The following SELENOO variants were observed in gnomAD, a reference collection of about 807,000 sequenced individuals.
SELENOO encodes selenoprotein O, also known as protein adenylyltransferase SelO, mitochondrial.
SELENOO carries 74 observed loss-of-function variants against 58.7 expected under a neutral mutation model. The ratio of observed to expected loss-of-function variants is 1.26; its 90% CI spans 1.04 to 1.53. The LOEUF is 1.53. Ranked by LOEUF, SELENOO falls within the 40% of genes most tolerant of loss-of-function variation. SELENOO has a pLI of 0.00. For missense variants in SELENOO, 1,149 were observed against 970.0 expected (o/e 1.18, Z -2.45); for synonymous variants, 543 against 453.2 (o/e 1.20, Z -2.52).
chr22:50,210,101 C>T, intron 3 of SELENOO, 80 bp from the exon 4 acceptor site: 1 of 1,533,772 alleles, frequency 6.5e-7, no homozygotes, highest in Non-Finnish European at 8.8e-7. Context: ...CAGCCGGTTT[C>T]AGGGAGGGGA....
At chr22:50,201,976 C>T (rs2064304792) in intron 1 of SELENOO, among the ~76,000 whole-genome samples, 1 of 152,228 alleles carries the variant, frequency 6.6e-6, no homozygotes, top group Non-Finnish European at 1.5e-5. Context: ...CTGGCCCTGA[C>T]TTCCCTGCGG....
rs995659853 is a variant in SELENOO at position 50,217,569 on chromosome 22, C to A, written c.*200C>A. 10 of 940,356 alleles carry A rather than the reference C, an allele frequency of 1.1e-5. No individual in the cohort carries two copies. Among genetic ancestry groups the A allele is most frequent in the Non-Finnish European group, 1.4e-5 (9 of 637,448 alleles). The allele number at this position is 940,356 out of a possible 1,614,324, so 58.3% of individuals were successfully genotyped here. ...GGCCGGCTCAGCAGTGCAGCCTGGT[C>A]CCTGGGGGCTGGACCCAGGCTCCTA... On this transcript the variant is annotated 3_prime_UTR_variant, in exon 9 of 9. Transcript: ENST00000380903.
intron 2 of SELENOO, among the ~76,000 whole-genome samples, chr22:50,208,230 G>T (rs1161781889): frequency 6.6e-6 from 1 of 152,144 alleles, no homozygotes; most frequent in Non-Finnish European, 1.5e-5. Context: ...AGGAGTTTGA[G>T]ACCAGCCTGA....
intron 7 of SELENOO, 36 bp from the exon 8 acceptor site, chr22:50,216,936 C>G: frequency 1.2e-6 from 2 of 1,603,642 alleles, no homozygotes; most frequent in South Asian, 1.1e-5. Flanking sequence ...AAAAGTCCAG[C>G]CCGGCTGTGA....
intron 5 of SELENOO, among the ~76,000 whole-genome samples, chr22:50,214,739 C>A (rs1252511846): frequency 1.3e-5 from 2 of 152,032 alleles, no homozygotes; most frequent in South Asian, 4.1e-4. Flanking sequence ...CACTCCAGCC[C>A]CGGCAACAGA....
At chr22:50,208,413 A>T in intron 2 of SELENOO, 123 bp from the exon 3 acceptor site, 1 of 847,746 alleles carries the variant, frequency 1.2e-6, no homozygotes, top group Non-Finnish European at 1.8e-6. Flanking sequence ...CTGGACAACA[A>T]GAGTGAGACT....
intron 5 of SELENOO, among the ~76,000 whole-genome samples, chr22:50,215,249 A>G (rs1414505621): frequency 6.6e-6 from 1 of 152,086 alleles, no homozygotes; most frequent in African/African-American, 2.4e-5. Context: ...GACTGTGAGG[A>G]TGTGAGGGCC....
chr22:50,211,303 C>T (rs1199427474), intron 5 of SELENOO, among the ~76,000 whole-genome samples: 1 of 152,150 alleles, frequency 6.6e-6, no homozygotes, highest in Non-Finnish European at 1.5e-5. Flanking sequence ...TGTTGTGTGC[C>T]GTGCTGCCAT....
Position 50,201,047 on chromosome 22 carries a change from A to ACAGGGCAGCGCT in SELENOO, c.13_24dup (p.Arg5_Leu8dup). 7.6e-7 allele frequency: 1 copy of ACAGGGCAGCGCT among 1,319,838 alleles called. No homozygotes were observed. The highest frequency in any genetic ancestry group is 9.6e-7 in the Non-Finnish European group (1 of 1,036,638). The allele number at this position is 1,319,838 out of a possible 1,614,324, so 81.8% of individuals were successfully genotyped here. A position where few individuals can be genotyped will look rare whatever the true frequency, so the allele number is the denominator to read the frequency against. On this transcript the variant is annotated inframe_insertion, in exon 1 of 9. Transcript: ENST00000380903. ...GGAGCGGGGCCGCGGATGGCCGTAT[A>ACAGGGCAGCGCT]CAGGGCAGCGCTCGGGGCTTCGCTC...
intron 5 of SELENOO, 140 bp downstream of exon 5, chr22:50,211,051 C>G (rs1431798917): frequency 2.3e-6 from 2 of 858,596 alleles, no homozygotes; most frequent in East Asian, 2.5e-5. Flanking sequence ...ATTCTACTCT[C>G]TGTCTTTATG....
intron 5 of SELENOO, among the ~76,000 whole-genome samples, chr22:50,214,597 C>T (rs1043203713): frequency 1.3e-5 from 2 of 151,842 alleles, no homozygotes; most frequent in Non-Finnish European, 2.9e-5. Flanking sequence ...GAGCAAGACT[C>T]CATCTCAAAA....
chr22:50,208,521 G>A lies in SELENOO; in HGVS notation c.759-15G>A, dbSNP rs367753694. 4 of 1,608,924 alleles carry A rather than the reference G, an allele frequency of 2.5e-6. No individual in the cohort carries two copies. The highest frequency in any genetic ancestry group is 2.2e-5 in the East Asian group (1 of 44,738). ...GTCAGGTTTGGGCTGTTGACGCCTC[G>A]GGTCTTCCCTCCAGGTTTGGATCCT... On this transcript the variant is annotated splice_polypyrimidine_tract_variant and intron_variant, in intron 2 of 8. Coordinates refer to ENST00000380903, the MANE Select transcript of SELENOO (RefSeq NM_031454.2).
rs574819983 is a variant in SELENOO, at chr22:50,210,411, G to T, written c.1070+100G>T. ...CCAGGCACTGGCCCGTGATGCTTGAGGGGGAGCCGAGGGGGCTGGGGGCTG... is the reference window on the plus strand; with the variant it reads ...CCAGGCACTGGCCCGTGATGCTTGATGGGGAGCCGAGGGGGCTGGGGGCTG... On this transcript the variant is annotated intron_variant, in intron 4 of 8. Coordinates refer to ENST00000380903, the MANE Select transcript of SELENOO (RefSeq NM_031454.2). 5.8e-4 allele frequency: 859 copies of T among 1,487,190 alleles called. 4 individuals are homozygous for T. The African/African-American group carries it at 0.011, about 18-fold the overall frequency. The allele number at this position is 1,487,190 out of a possible 1,614,324, so 92.1% of individuals were successfully genotyped here. A position where few individuals can be genotyped will look rare whatever the true frequency, so the allele number is the denominator to read the frequency against.
chr22:50,209,794 G>T (rs140144566), intron 3 of SELENOO, among the ~76,000 whole-genome samples: 3,511 of 152,200 alleles, frequency 0.023, 59 homozygotes, highest in South Asian at 0.068. Context: ...TGTCTGGTTG[G>T]GGGGGGCCAG....
rs965695452 is a variant in SELENOO, at chr22:50,201,065, C to T, written c.29C>T (p.Ala10Val). The T allele has an allele frequency of 5.9e-6, 8 of 1,358,620 alleles. No homozygotes were observed. The highest frequency in any genetic ancestry group is 5.7e-6 in the Non-Finnish European group (6 of 1,055,982). 84.2% of individuals were successfully genotyped at this position (1,358,620 alleles called of 1,614,324 possible). A position where few individuals can be genotyped will look rare whatever the true frequency, so the allele number is the denominator to read the frequency against. The change falls in exon 1 of 9, where the codon GCT (alanine) becomes GTT (valine). Residue 10 changes from alanine to valine, a missense_variant. Ala to Val is a moderately conservative substitution (Grantham distance 64, BLOSUM62 0). Transcript: ENST00000380903. Reference protein sequence around the residue: MAVYRAALGASLAAARLLPL... With the variant: MAVYRAALGVSLAAARLLPL... Reference sequence around the variant, plus strand: ...GCCGTATACAGGGCAGCGCTCGGGGCTTCGCTCGCGGCTGCCCGACTCTTG... The same window carrying T: ...GCCGTATACAGGGCAGCGCTCGGGGTTTCGCTCGCGGCTGCCCGACTCTTG...
Position 50,214,662 on chromosome 22 carries a change from G to T in SELENOO, c.1352-1055G>T, listed in dbSNP as rs879303889. On this transcript the variant is annotated intron_variant, in intron 5 of 8. Coordinates refer to ENST00000380903, the MANE Select transcript of SELENOO (RefSeq NM_031454.2). The stretch of plus-strand genomic sequence containing the variant: ...TGCCTGTAATCCCAGCTACTCGGGA[G>T]GCTGAGGTAGGAGAATTGCTGGAAC... Among the ~76,000 whole-genome samples, 17 of 152,106 alleles carry T rather than the reference G, an allele frequency of 1.1e-4. 1 individual carries two copies. Among genetic ancestry groups the T allele is most frequent in the Non-Finnish European group, 2.2e-4 (15 of 68,034 alleles).
At chr22:50,210,601 A>G (rs2064362623) in intron 4 of SELENOO, 30 bp from the exon 5 acceptor site, 1 of 1,612,562 alleles carries the variant, frequency 6.2e-7, no homozygotes, top group South Asian at 1.1e-5. Context: ...CCTCTCAGGC[A>G]GGGCGTGGCT....
intron 5 of SELENOO, 142 bp downstream of exon 5, chr22:50,211,053 G>A: frequency 1.2e-6 from 1 of 845,726 alleles, no homozygotes. Context: ...TCTACTCTCT[G>A]TCTTTATGAA....
At position 50,217,604 on chromosome 22, in the gene SELENOO, G is replaced by A. The variant is rs936310779; in HGVS notation, c.*235G>A. On this transcript the variant is annotated 3_prime_UTR_variant, in exon 9 of 9. Transcript: ENST00000380903. ...TGGACCCAGGCTCCTAAATAAACCA[G>A]CAACTCCCTCGAGTCTGTCTCTGTG... 2.0e-6 allele frequency: 2 copies of A among 1,021,780 alleles called. No individual in the cohort carries two copies. The highest frequency in any genetic ancestry group is 5.3e-5 in the East Asian group (2 of 37,714). The allele number at this position is 1,021,780 out of a possible 1,614,324, so 63.3% of individuals were successfully genotyped here.
Sources: allele counts gnomAD v4.1 joint callset (sites outside exome capture counted in the v4.1 genomes callset), GRCh38; gene constraint gnomAD v4.1.1; transcripts MANE v1.5; gene names NCBI Gene and HGNC (gene_info 2026-07-23, HGNC 2026-07-21).